Variants in GTF3C1 observed in about 807,000 individuals in gnomAD.
The protein encoded by GTF3C1 is general transcription factor 3C polypeptide 1.
GTF3C1 carries 57 observed loss-of-function variants against 226.7 expected under a neutral mutation model. That is an observed-to-expected ratio of 0.25 (90% CI 0.20 to 0.31). GTF3C1 has a LOEUF of 0.31. Among genes scored for constraint, GTF3C1 ranks in the 10% least tolerant of loss-of-function variants. GTF3C1 has a pLI of 1.00. For missense variants in GTF3C1, 2,217 were observed against 2,776.1 expected, an observed-to-expected ratio of 0.80 and a Z score of 4.53; for synonymous variants, 1,090 against 1,084.8, an observed-to-expected ratio of 1.00 and a Z score of -0.09.
intron 29 of GTF3C1, among the ~76,000 whole-genome samples, chr16:27,472,418 T>C (rs1261970508): frequency 2.0e-5 from 3 of 152,168 alleles, no homozygotes; most frequent in Non-Finnish European, 4.4e-5. Flanking sequence ...TCCTTCCCCA[T>C]GTCACTTTCC....
At chr16:27,478,033 T>A in intron 28 of GTF3C1, among the ~76,000 whole-genome samples, 1 of 152,246 alleles carries the variant, frequency 6.6e-6, no homozygotes, top group South Asian at 2.1e-4. Flanking sequence ...TAGCTGGGTG[T>A]GGTGGCAGGT....
chr16:27,545,828 G>C (rs532551361), intron 1 of GTF3C1, among the ~76,000 whole-genome samples: 2 of 152,222 alleles, frequency 1.3e-5, no homozygotes, highest in Admixed American at 1.3e-4. Context: ...AAACCACCAA[G>C]TTGGACGAAA....
At chr16:27,485,950 G>C in intron 24 of GTF3C1, 47 bp downstream of exon 24, 1 of 1,392,434 alleles carries the variant, frequency 7.2e-7, no homozygotes, top group Non-Finnish European at 9.9e-7. Context: ...ACAGGAAGGA[G>C]CTCCGAGTGA....
chr16:27,493,981 G>A (rs2088272071), intron 16 of GTF3C1, among the ~76,000 whole-genome samples: 1 of 151,086 alleles, frequency 6.6e-6, no homozygotes. Flanking sequence ...ATACAAGTAT[G>A]GCATAGCAAT....
chr16:27,547,238 G>C (rs4787967), intron 1 of GTF3C1, among the ~76,000 whole-genome samples: 118,169 of 152,082 alleles, frequency 0.78, 46,732 homozygotes, highest in South Asian at 0.9. Flanking sequence ...TCTCTCTTAG[G>C]GCTGATCTTA....
At position 27,461,813 on chromosome 16, in the gene GTF3C1, G is replaced by A; in HGVS notation, c.6118-251C>T. 2 of 531,480 alleles carry A rather than the reference G, an allele frequency of 3.8e-6. No individual in the cohort carries two copies. Among genetic ancestry groups the A allele is most frequent in the Non-Finnish European group, 6.8e-6 (2 of 295,814 alleles). 32.9% of individuals were successfully genotyped at this position (531,480 alleles called of 1,614,324 possible). A position where few individuals can be genotyped will look rare whatever the true frequency, so the allele number is the denominator to read the frequency against. ...AGCCACCACGCTGAATCTCATTTGT[G>A]GAGGAGAGGCCTGCAGCGCGGGATA... is the stretch of plus-strand genomic sequence containing the variant. On this transcript the variant is annotated intron_variant, in intron 36 of 36. Transcript: ENST00000356183. The surrounding 1 kb of genome is among the most constrained non-coding windows in gnomAD (Gnocchi z 5.3).
Position 27,462,672 on chromosome 16 carries a change from G to A in GTF3C1, c.5925-186C>T, listed in dbSNP as rs1057469949. ...TGTCTGGACAGAGGGGCCCTTGACCGCCAGCTGGGTGGAACCAGGACGTGG... is the reference window on the plus strand; with the variant it reads ...TGTCTGGACAGAGGGGCCCTTGACCACCAGCTGGGTGGAACCAGGACGTGG... On this transcript the variant is annotated intron_variant, in intron 35 of 36. Transcript: ENST00000356183. The surrounding 1 kb of genome is among the most constrained non-coding windows in gnomAD (Gnocchi z 4.5). 24 of 575,298 alleles carry A rather than the reference G, an allele frequency of 4.2e-5. No homozygotes were observed. Among genetic ancestry groups the A allele is most frequent in the Non-Finnish European group, 6.5e-5 (21 of 321,764 alleles). 35.6% of individuals were successfully genotyped at this position (575,298 alleles called of 1,614,324 possible).
At chr16:27,508,464 C>A (rs1303928838) in intron 8 of GTF3C1, 76 bp downstream of exon 8, 1 of 1,156,866 alleles carries the variant, frequency 8.6e-7, no homozygotes, top group East Asian at 2.4e-5. Flanking sequence ...AGTCTTCTGA[C>A]TGAGATGCTC....
In GTF3C1 at chr16:27,486,059, A is replaced by G; in HGVS notation, c.3796T>C (p.Ser1266Pro). 6.2e-7 allele frequency: 1 copy of G among 1,611,554 alleles called. No individual in the cohort carries two copies. The change falls in exon 24 of 37, where the codon TCT becomes CCT. Residue 1266 changes from serine to proline, a missense_variant. Transcript: ENST00000356183. ...ACAAGCAGCCCATCCTCCTGCATAG[A>G]CCAGGTGACACGAAGCCGCGTCATC... ...QRMTRLRVTW[S>P]MQEDGLLVLC... is the part of the protein sequence containing the mutation.
At chr16:27,493,841 C>G (rs2088269749) in intron 16 of GTF3C1, among the ~76,000 whole-genome samples, 1 of 151,980 alleles carries the variant, frequency 6.6e-6, no homozygotes, top group African/African-American at 2.4e-5. Flanking sequence ...TACTTAATAT[C>G]AAGTCTAAAA....
chr16:27,497,026 TC>T (rs1302348499), intron 14 of GTF3C1, among the ~76,000 whole-genome samples: 1 of 152,190 alleles, frequency 6.6e-6, no homozygotes, highest in Non-Finnish European at 1.5e-5. Flanking sequence ...CCACTTGGAA[TC>T]CCTGGGTCTA....
intron 4 of GTF3C1, among the ~76,000 whole-genome samples, chr16:27,535,074 G>A (rs893265654): frequency 6.6e-6 from 1 of 152,068 alleles, no homozygotes; most frequent in Admixed American, 6.6e-5. Context: ...ATTATAAAAA[G>A]TTAATCAAAA....
intron 2 of GTF3C1, among the ~76,000 whole-genome samples, chr16:27,543,951 A>C (rs2089126106): frequency 6.6e-6 from 1 of 152,110 alleles, no homozygotes; most frequent in South Asian, 2.1e-4. Flanking sequence ...GAAGAGGGAG[A>C]AACAGTGAAT....
Position 27,538,167 on chromosome 16 carries a change from T to TC in GTF3C1, c.608+12dup. 1.3e-6 allele frequency: 2 copies of TC among 1,521,494 alleles called. No individual in the cohort carries two copies. The highest frequency in any genetic ancestry group is 1.8e-6 in the Non-Finnish European group (2 of 1,128,290). 94.2% of individuals were successfully genotyped at this position (1,521,494 alleles called of 1,614,324 possible). A position where few individuals can be genotyped will look rare whatever the true frequency, so the allele number is the denominator to read the frequency against. On this transcript the variant is annotated intron_variant, in intron 3 of 36. Transcript: ENST00000356183. ...ATATAATTTAAAGCAGAGAAGCAAA[T>TC]CCCCCCACTTACTTGAAAGCAGTGG...
chr16:27,536,736 GAGAGCT>G, intron 4 of GTF3C1, among the ~76,000 whole-genome samples: 1 of 152,114 alleles, frequency 6.6e-6, no homozygotes, highest in Non-Finnish European at 1.5e-5. Context: ...CTCCACCCCA[GAGAGCT>G]GCTGGCCAGG....
intron 6 of GTF3C1, among the ~76,000 whole-genome samples, chr16:27,517,377 C>G (rs372465695): frequency 6.6e-6 from 1 of 152,188 alleles, no homozygotes; most frequent in Non-Finnish European, 1.5e-5. Flanking sequence ...CAGAGCAAGA[C>G]CCGAATAAGC....
intron 28 of GTF3C1, among the ~76,000 whole-genome samples, chr16:27,478,230 G>C (rs2087983164): frequency 6.6e-6 from 1 of 152,134 alleles, no homozygotes; most frequent in Non-Finnish European, 1.5e-5. Flanking sequence ...ACTGTGCAGG[G>C]GGTCGGCGTC....
chr16:27,536,391 G>A (rs2089001239), intron 4 of GTF3C1, among the ~76,000 whole-genome samples: 1 of 152,116 alleles, frequency 6.6e-6, no homozygotes, highest in African/African-American at 2.4e-5. Flanking sequence ...TCAGGAGTTC[G>A]AGACCAGCCT....
intron 12 of GTF3C1, 81 bp downstream of exon 12, chr16:27,501,110 T>C: frequency 8.7e-7 from 1 of 1,147,878 alleles, no homozygotes; most frequent in Middle Eastern, 2.8e-4. Flanking sequence ...ACTACCAGGA[T>C]ACAGCAATGA....
Sources: allele counts gnomAD v4.1 joint callset (sites outside exome capture counted in the v4.1 genomes callset), GRCh38; gene constraint gnomAD v4.1.1; non-coding constraint Gnocchi (gnomAD v3.1); transcripts MANE v1.5; gene names NCBI Gene and HGNC (gene_info 2026-07-23, HGNC 2026-07-21).